The following DENND5B variants were observed in gnomAD, a reference collection of about 807,000 sequenced individuals.
The protein encoded by DENND5B is DENN domain containing 5B.
In DENND5B, 34 loss-of-function variants were observed where a neutral mutation model predicts 140.6. That is an observed-to-expected ratio of 0.24 (90% CI 0.18 to 0.32). The LOEUF (loss-of-function observed/expected upper bound fraction) is 0.32, where lower values mean the gene tolerates loss of function less well. Ranked by LOEUF, DENND5B falls within the 10% of genes least tolerant of loss-of-function variation. DENND5B has a pLI of 1.00. For synonymous variants in DENND5B, 551 were observed against 562.1 expected (o/e 0.98, Z 0.28); for missense variants, 1,142 against 1,560.2 (o/e 0.73, Z 4.52).
intron 1 of DENND5B, among the ~76,000 whole-genome samples, chr12:31,558,152 C>T (rs766726109): frequency 1.3e-5 from 2 of 152,172 alleles, no homozygotes; most frequent in Non-Finnish European, 2.9e-5. Flanking sequence ...GACACTGAGC[C>T]CTTTCTAAAA....
chr12:31,393,772 C>T (rs1214324117), intron 17 of DENND5B, among the ~76,000 whole-genome samples: 1 of 152,164 alleles, frequency 6.6e-6, no homozygotes, highest in East Asian at 1.9e-4. Flanking sequence ...ACTGCACCCT[C>T]CGCCTCCCAG....
Position 31,479,919 on chromosome 12 carries a change from T to C in DENND5B, c.574A>G (p.Ile192Val), listed in dbSNP as rs774108405. ...AATGGTAACGGTGTGATCAAGCATATACTTTTTGAAACATACAGGGTGTCT... is the reference window on the plus strand; with the variant it reads ...AATGGTAACGGTGTGATCAAGCATACACTTTTTGAAACATACAGGGTGTCT... ...SRDTLYVSKS[I>V]CLITPLPFMQ... Residue 192 changes from isoleucine to valine, a missense_variant, in exon 3 of 21, where the codon ATA becomes GTA. Physicochemically the swap from Ile to Val is conservative, Grantham distance 29 (BLOSUM62 3). Around this residue, in one of 5 missense-constraint regions of DENND5B, gnomAD observed 708 missense variants for 905.5 expected, o/e 0.78. Transcript: ENST00000389082. The C allele has an allele frequency of 8.1e-6, 13 of 1,614,036 alleles. No individual in the cohort carries two copies. Among genetic ancestry groups the C allele is most frequent in the African/African-American group, 1.3e-5 (1 of 75,074 alleles).
chr12:31,408,652 T>A (rs901090408), intron 14 of DENND5B, among the ~76,000 whole-genome samples: 4 of 130,966 alleles, frequency 3.1e-5, no homozygotes, highest in South Asian at 5.2e-4. Context: ...AAAAAAAAAA[T>A]TCTCCAATCA....
At chr12:31,467,723 A>T (rs949575832) in intron 3 of DENND5B, among the ~76,000 whole-genome samples, 7 of 152,230 alleles carry the variant, frequency 4.6e-5, no homozygotes, top group Admixed American at 4.6e-4. Flanking sequence ...AACAATCATA[A>T]CAAGTAAGCC....
chr12:31,462,398 G>A (rs760991414), intron 3 of DENND5B, among the ~76,000 whole-genome samples: 2 of 152,034 alleles, frequency 1.3e-5, no homozygotes, highest in Non-Finnish European at 2.9e-5. Flanking sequence ...CCCTGAGGTC[G>A]GCTGGATGGC....
chr12:31,579,824 G>A (rs1334371429), intron 1 of DENND5B, among the ~76,000 whole-genome samples: 1 of 150,680 alleles, frequency 6.6e-6, no homozygotes, highest in Non-Finnish European at 1.5e-5. Flanking sequence ...AGAGAGAAGA[G>A]TAATGGGGAA....
intron 1 of DENND5B, among the ~76,000 whole-genome samples, chr12:31,582,636 T>C (rs1448699448): frequency 6.6e-6 from 1 of 152,182 alleles, no homozygotes; most frequent in Admixed American, 6.5e-5. Flanking sequence ...AAATCTGTGA[T>C]GAATGAATGA....
intron 7 of DENND5B, among the ~76,000 whole-genome samples, chr12:31,436,805 G>C (rs1249320599): frequency 6.6e-6 from 1 of 152,068 alleles, no homozygotes; most frequent in Non-Finnish European, 1.5e-5. Context: ...AAAGTGCTGG[G>C]ATTACAGACG....
In DENND5B at chr12:31,423,553, T is replaced by TTGG. The variant is rs757279768; in HGVS notation, c.2470+43_2470+44insCCA. ...GACAAGGCCAAATAGTATTGAGTCT[T>TTGG]CTCAGAGTCCAGTGCTGCTAGTTCT... On this transcript the variant is annotated intron_variant, in intron 11 of 20. Coordinates refer to ENST00000389082, the MANE Select transcript of DENND5B (RefSeq NM_144973.4). The TTGG allele has an allele frequency of 2.5e-6, 4 of 1,596,020 alleles. No homozygotes were observed. The South Asian group carries it at 4.5e-5, about 18-fold the overall frequency.
At chr12:31,488,717 G>T (rs572979727) in intron 2 of DENND5B, among the ~76,000 whole-genome samples, 1 of 152,296 alleles carries the variant, frequency 6.6e-6, no homozygotes, top group Non-Finnish European at 1.5e-5. Context: ...CATCAGAATT[G>T]TTAAACTGTC....
At chr12:31,465,318 T>A (rs1945209591) in intron 3 of DENND5B, 1 of 152,350 alleles carries the variant, frequency 6.6e-6, no homozygotes, top group East Asian at 1.9e-4. Context: ...TCTGGTGGAC[T>A]TCCTGATGTA....
At chr12:31,413,070 G>A (rs1253024726) in intron 13 of DENND5B, among the ~76,000 whole-genome samples, 1 of 152,080 alleles carries the variant, frequency 6.6e-6, no homozygotes, top group Non-Finnish European at 1.5e-5. Flanking sequence ...ACAGGTGTGC[G>A]GCACCATGCC....
At chr12:31,460,484 A>G in intron 3 of DENND5B, 103 bp from the exon 4 acceptor site, 1 of 1,066,160 alleles carries the variant, frequency 9.4e-7, no homozygotes, top group Non-Finnish European at 1.3e-6. Flanking sequence ...TTCTGCGTTA[A>G]AAGTAAATAT....
rs1947202094 is a variant in DENND5B at position 31,506,347 on chromosome 12, GA to G, written c.128-10429del. On this transcript the variant is annotated intron_variant, in intron 1 of 20. Transcript: ENST00000389082. ...GCAGTGGGAGTGGAGAAGGAACAAA[GA>G]AATCTGTAACTGATTGTAATGAATT... 3 of 152,206 alleles carry G rather than the reference GA, an allele frequency of 2.0e-5. No individual in the cohort carries two copies. The South Asian group carries it at 6.2e-4, about 32-fold the overall frequency. The allele number at this position is 152,206 out of a possible 1,614,324, so 9.4% of individuals were successfully genotyped here.
At chr12:31,399,127 C>CAAAAAAAAAAAAAAAAA (rs1491109183) in intron 16 of DENND5B, among the ~76,000 whole-genome samples, 1 of 13,860 alleles carries the variant, frequency 7.2e-5, no homozygotes, top group Non-Finnish European at 1.3e-4. Flanking sequence ...TGTCTCAGCC[C>CAAAAAAAAAAAAAAAAA]AAAAAAAAAA....
At chr12:31,476,288 T>C (rs1379036563) in intron 3 of DENND5B, among the ~76,000 whole-genome samples, 1 of 151,574 alleles carries the variant, frequency 6.6e-6, no homozygotes, top group Non-Finnish European at 1.5e-5. Flanking sequence ...TTAAAAAGGT[T>C]TTATGTTAAA....
chr12:31,540,192 A>G (rs1207906412), intron 1 of DENND5B, among the ~76,000 whole-genome samples: 4 of 152,204 alleles, frequency 2.6e-5, no homozygotes, highest in African/African-American at 7.2e-5. Flanking sequence ...AATGAAAACT[A>G]AAACACTGGA....
intron 1 of DENND5B, among the ~76,000 whole-genome samples, chr12:31,576,374 A>G (rs1191204727): frequency 6.7e-6 from 1 of 149,124 alleles, no homozygotes; most frequent in Non-Finnish European, 1.5e-5. Context: ...AATCGCTTGA[A>G]CCCGGGAGAC....
At chr12:31,486,470 C>A (rs891739528) in intron 2 of DENND5B, among the ~76,000 whole-genome samples, 1 of 152,240 alleles carries the variant, frequency 6.6e-6, no homozygotes, top group Middle Eastern at 3.4e-3. Context: ...TAAGAAAAAC[C>A]CTTAGGTCAA....
Sources: allele counts gnomAD v4.1 joint callset (sites outside exome capture counted in the v4.1 genomes callset), GRCh38; gene constraint gnomAD v4.1.1; regional missense constraint gnomAD v4.1.1; transcripts MANE v1.5; gene names NCBI Gene and HGNC (gene_info 2026-07-23, HGNC 2026-07-21).